CDH23: variants seen among roughly 807,000 people sequenced by gnomAD.
CDH23 encodes cadherin-23.
Under a neutral mutation model 317.1 loss-of-function variants are expected in CDH23, and 189 were observed. That is an observed-to-expected ratio of 0.60 (90% CI 0.53 to 0.67). CDH23 has a LOEUF of 0.67. CDH23 is among the 30% of genes least tolerant of loss of function. The pLI is 0.00. For synonymous variants in CDH23, 1,839 were observed against 1,876.8 expected (o/e 0.98, Z 0.52); for missense variants, 4,401 against 4,592.4 (o/e 0.96, Z 1.20).
Position 71,751,057 on chromosome 10 carries a change from G to A in CDH23, c.4845+9136G>A. On this transcript the variant is annotated intron_variant, in intron 38 of 69. Transcript: ENST00000224721. The surrounding 1 kb of genome is among the most constrained non-coding windows in gnomAD (Gnocchi z 4.9). ...GCACCCCAAAATCCTTGGAACAGGG[G>A]CTGAGCCGTCCAGCATCCCCATGTA... 1.6e-6 allele frequency: 1 copy of A among 631,682 alleles called. No individual in the cohort carries two copies. The highest frequency in any genetic ancestry group is 2.7e-6 in the Non-Finnish European group (1 of 372,190). The allele number at this position is 631,682 out of a possible 1,614,324, so 39.1% of individuals were successfully genotyped here. A position where few individuals can be genotyped will look rare whatever the true frequency, so the allele number is the denominator to read the frequency against.
intron 14 of CDH23, among the ~76,000 whole-genome samples, chr10:71,671,581 G>A (rs1454842432): frequency 6.6e-6 from 1 of 152,188 alleles, no homozygotes; most frequent in Non-Finnish European, 1.5e-5. Flanking sequence ...TTGCTTGGGA[G>A]GAGGTTGTTT....
At chr10:71,587,635 A>G (rs1164807877) in intron 9 of CDH23, among the ~76,000 whole-genome samples, 1 of 152,226 alleles carries the variant, frequency 6.6e-6, no homozygotes, top group Non-Finnish European at 1.5e-5. Context: ...AGCTGCCTGC[A>G]TCCACCTTTC....
rs528669130 is a variant in CDH23, at chr10:71,587,730, C to T, written c.832+9738C>T. Among the ~76,000 whole-genome samples, 109 of 152,336 alleles carry T rather than the reference C, an allele frequency of 7.2e-4. 1 individual carries two copies. The highest frequency in any genetic ancestry group is 1.2e-3 in the Non-Finnish European group (85 of 68,024). ...TCTTCTGGGGGCTTTGAACCTGAGA[C>T]GAGCCCCTCTAAGCAGCTCAGATTC... On this transcript the variant is annotated intron_variant, in intron 9 of 69. Transcript: ENST00000224721.
chr10:71,659,447 G>C (rs1863552094), intron 14 of CDH23, among the ~76,000 whole-genome samples: 1 of 152,204 alleles, frequency 6.6e-6, no homozygotes, highest in Non-Finnish European at 1.5e-5. Context: ...GGGAGAGGTT[G>C]AGCTGGCTCT....
intron 3 of CDH23, among the ~76,000 whole-genome samples, chr10:71,466,647 G>A (rs931815766): frequency 3.9e-5 from 6 of 152,128 alleles, no homozygotes; most frequent in African/African-American, 1.4e-4. Context: ...GTGTATCTTT[G>A]CTTGTGTGTA....
chr10:71,746,996 C>A (rs1839867957), intron 38 of CDH23, among the ~76,000 whole-genome samples: 1 of 152,200 alleles, frequency 6.6e-6, no homozygotes, highest in Non-Finnish European at 1.5e-5. Context: ...ACTCTGCTTC[C>A]CCTGGCTTGA....
At chr10:71,596,383 G>T (rs1252760436) in intron 9 of CDH23, among the ~76,000 whole-genome samples, 3 of 152,152 alleles carry the variant, frequency 2.0e-5, no homozygotes, top group Non-Finnish European at 4.4e-5. Context: ...TCGAACCCAG[G>T]TCTGCATGAG....
At chr10:71,727,464 C>T (rs1049072921) in intron 30 of CDH23, among the ~76,000 whole-genome samples, 1 of 152,238 alleles carries the variant, frequency 6.6e-6, no homozygotes, top group African/African-American at 2.4e-5. Context: ...AGCTGGGGGC[C>T]TTCCTGAAGG....
intron 46 of CDH23, 28 bp downstream of exon 46, chr10:71,790,441 C>T (rs1459827201): frequency 1.2e-6 from 2 of 1,608,034 alleles, no homozygotes; most frequent in African/African-American, 2.7e-5. Context: ...CCCAGCACTC[C>T]CAGCCTGATT....
At chr10:71,681,595 T>A (rs921054359) in intron 17 of CDH23, among the ~76,000 whole-genome samples, 1 of 152,018 alleles carries the variant, frequency 6.6e-6, no homozygotes, top group Admixed American at 6.6e-5. Context: ...GGTGACTGGA[T>A]GGGTATGAAG....
intron 23 of CDH23, 23 bp from the exon 24 acceptor site, chr10:71,702,526 C>T (rs199924711): frequency 1.5e-4 from 241 of 1,613,658 alleles, no homozygotes; most frequent in Non-Finnish European, 1.9e-4. Flanking sequence ...GTCCTTGGCC[C>T]CTTCTCGCCC....
chr10:71,616,990 C>T (rs1366752718), intron 10 of CDH23, among the ~76,000 whole-genome samples: 2 of 152,156 alleles, frequency 1.3e-5, no homozygotes, highest in Non-Finnish European at 2.9e-5. Flanking sequence ...GCTGTGAATC[C>T]TTATACAAGT....
chr10:71,578,010 C>G lies in CDH23; in HGVS notation c.832+18C>G, dbSNP rs766193326. 3 of 1,578,326 alleles carry G rather than the reference C, an allele frequency of 1.9e-6. No individual in the cohort carries two copies. Among genetic ancestry groups the G allele is most frequent in the Admixed American group, 1.8e-5 (1 of 54,738 alleles). On this transcript the variant is annotated intron_variant, in intron 9 of 69. Coordinates refer to ENST00000224721, the MANE Select transcript of CDH23 (RefSeq NM_022124.6). ...CGTTTCAGGTAAGACAGAAGGCTGC[C>G]CCTCTCTCCTCTCACCCCTCTGTCC...
intron 9 of CDH23, among the ~76,000 whole-genome samples, chr10:71,583,606 G>A (rs1858810043): frequency 6.6e-6 from 1 of 152,132 alleles, no homozygotes. Context: ...TGTGGGTGAG[G>A]GCAGAGCTCT....
rs757027854 is a variant in CDH23, at chr10:71,810,568, C to T, written c.9076C>T (p.Arg3026Trp). 8.7e-6 allele frequency: 14 copies of T among 1,613,610 alleles called. No homozygotes were observed. The highest frequency in any genetic ancestry group is 1.1e-5 in the Non-Finnish European group (13 of 1,179,714). ...RDTNRILDVD[R>W]VIQMIDENKE... ...TACCAACCGCATCCTGGACGTGGACCGGTGAGTCGGGGCCTGTGTTTGGAC... is the reference window on the plus strand; with the variant it reads ...TACCAACCGCATCCTGGACGTGGACTGGTGAGTCGGGGCCTGTGTTTGGAC... The change falls in exon 62 of 70, where the codon CGG (arginine) becomes TGG (tryptophan). Residue 3026 changes from arginine (R) to tryptophan (W), a missense_variant and splice_region_variant. Physicochemically the swap from Arg to Trp is moderately radical, Grantham distance 101 (BLOSUM62 -3). Around this residue, in one of 3 missense-constraint regions of CDH23, gnomAD observed 1,144 missense variants for 1,138.2 expected, o/e 1.01. Transcript: ENST00000224721.
At chr10:71,505,122 T>A (rs12778790) in intron 3 of CDH23, among the ~76,000 whole-genome samples, 1 of 151,974 alleles carries the variant, frequency 6.6e-6, no homozygotes. Context: ...AGAAGCTTAC[T>A]GGGGAGGAGG....
Position 71,609,868 on chromosome 10 carries a change from G to A in CDH23, c.833-5636G>A, listed in dbSNP as rs548336205. Among the ~76,000 whole-genome samples the A allele has an allele frequency of 7.9e-5, 12 of 152,134 alleles. No homozygotes were observed. The South Asian group carries it at 1.9e-3, about 24-fold the overall frequency. On this transcript the variant is annotated intron_variant, in intron 9 of 69. Coordinates refer to ENST00000224721, the MANE Select transcript of CDH23 (RefSeq NM_022124.6). Reference sequence around the variant, plus strand: ...CCTCCCCAGCTACCTGGAAGACATCGCAACATGGACATTCTGCTGCTATGT... The same window carrying A: ...CCTCCCCAGCTACCTGGAAGACATCACAACATGGACATTCTGCTGCTATGT...
intron 14 of CDH23, among the ~76,000 whole-genome samples, chr10:71,674,712 A>G (rs771725885): frequency 1.3e-5 from 2 of 152,338 alleles, no homozygotes; most frequent in Non-Finnish European, 2.9e-5. Flanking sequence ...TATGTGTTTC[A>G]TAAGTAACTG....
chr10:71,475,634 T>C (rs1851754113), intron 3 of CDH23, among the ~76,000 whole-genome samples: 1 of 152,198 alleles, frequency 6.6e-6, no homozygotes, highest in Admixed American at 6.5e-5. Context: ...GTGAGGCCCA[T>C]CTGTCACCCG....
Sources: gnomAD v4.1 joint callset for allele counts (sites outside exome capture counted in the v4.1 genomes callset) on GRCh38, gnomAD v4.1.1 for gene constraint, gnomAD v4.1.1 regional missense constraint, Gnocchi (gnomAD v3.1) non-coding constraint, MANE v1.5 for transcripts, NCBI Gene and HGNC (gene_info 2026-07-23, HGNC 2026-07-21) for gene names.